HUNK: variants seen among roughly 807,000 people sequenced by gnomAD.
HUNK encodes hormonally up-regulated neu tumor-associated kinase.
In HUNK, 21 loss-of-function variants were observed where a neutral mutation model predicts 61.0. The observed-to-expected ratio is 0.34, with a 90% CI of 0.24 to 0.50. The LOEUF is 0.50. Among genes scored for constraint, HUNK ranks in the 20% least tolerant of loss-of-function variants. HUNK has a pLI of 0.98. For missense variants in HUNK, 772 were observed against 945.7 expected (o/e 0.82, Z 2.41); for synonymous variants, 371 against 386.1 (o/e 0.96, Z 0.46).
chr21:31,883,440 A>T (rs1164538037), intron 1 of HUNK, among the ~76,000 whole-genome samples: 1 of 152,060 alleles, frequency 6.6e-6, no homozygotes, highest in Non-Finnish European at 1.5e-5. Context: ...TTCATTGTTC[A>T]TGTCCATTCG....
At chr21:31,918,631 T>C (rs2052601405) in intron 1 of HUNK, among the ~76,000 whole-genome samples, 1 of 152,216 alleles carries the variant, frequency 6.6e-6, no homozygotes, top group East Asian at 1.9e-4. Flanking sequence ...TCTCCTGGGC[T>C]TGTGGCCATG....
At chr21:31,906,240 G>A (rs549497670) in intron 1 of HUNK, among the ~76,000 whole-genome samples, 1 of 151,798 alleles carries the variant, frequency 6.6e-6, no homozygotes, top group South Asian at 2.1e-4. Flanking sequence ...ATGAATAGTC[G>A]GAGGCATACC....
intron 9 of HUNK, among the ~76,000 whole-genome samples, chr21:31,994,264 G>T (rs1344270664): frequency 6.6e-6 from 1 of 152,174 alleles, no homozygotes; most frequent in South Asian, 2.1e-4. Flanking sequence ...ACAGGCCAGG[G>T]CCCTAGAGAG....
intron 8 of HUNK, among the ~76,000 whole-genome samples, chr21:31,989,669 G>A (rs1296937746): frequency 1.4e-5 from 2 of 147,542 alleles, no homozygotes; most frequent in East Asian, 2.0e-4. Flanking sequence ...AGCCAAGGTC[G>A]TGCTACTGCA....
intron 1 of HUNK, among the ~76,000 whole-genome samples, chr21:31,922,370 A>G (rs1020758855): frequency 6.9e-6 from 1 of 145,274 alleles, no homozygotes; most frequent in African/African-American, 2.6e-5. Flanking sequence ...CTTGTTGCCC[A>G]GTCTGGAGTG....
chr21:31,882,896 C>T (rs185155982), intron 1 of HUNK, among the ~76,000 whole-genome samples: 37 of 152,246 alleles, frequency 2.4e-4, no homozygotes, highest in African/African-American at 8.9e-4. Flanking sequence ...GAGCATTCTT[C>T]CCCATGACTA....
chr21:31,882,569 T>C (rs1489258503), intron 1 of HUNK, among the ~76,000 whole-genome samples: 1 of 152,192 alleles, frequency 6.6e-6, no homozygotes, highest in Admixed American at 6.5e-5. Flanking sequence ...TACATATTTA[T>C]GGGGTACATG....
At chr21:31,976,268 A>G (rs539639909) in intron 7 of HUNK, among the ~76,000 whole-genome samples, 2 of 152,114 alleles carry the variant, frequency 1.3e-5, no homozygotes, top group Non-Finnish European at 2.9e-5. Context: ...AGAGATGTCA[A>G]ATCCAGAAAG....
chr21:31,988,359 A>G (rs2053148062), intron 8 of HUNK, among the ~76,000 whole-genome samples: 1 of 152,212 alleles, frequency 6.6e-6, no homozygotes, highest in Admixed American at 6.5e-5. Context: ...ATTTATAGGA[A>G]AATGTCAAAT....
chr21:31,910,703 G>T (rs200142125), intron 1 of HUNK, among the ~76,000 whole-genome samples: 4 of 152,024 alleles, frequency 2.6e-5, no homozygotes, highest in African/African-American at 9.7e-5. Flanking sequence ...TAGCCAGGCT[G>T]GTCTCGAACT....
At chr21:31,967,416 A>G (rs2052974979) in intron 5 of HUNK, among the ~76,000 whole-genome samples, 1 of 152,160 alleles carries the variant, frequency 6.6e-6, no homozygotes, top group Non-Finnish European at 1.5e-5. Flanking sequence ...TTATAAACGC[A>G]TTTTTACCTC....
intron 7 of HUNK, among the ~76,000 whole-genome samples, chr21:31,975,559 G>A (rs2053042841): frequency 6.6e-6 from 1 of 152,190 alleles, no homozygotes; most frequent in Non-Finnish European, 1.5e-5. Context: ...ATTTGACTGA[G>A]TGTTCACTTT....
At chr21:31,933,219 C>A (rs1442344028) in intron 2 of HUNK, among the ~76,000 whole-genome samples, 2 of 152,032 alleles carry the variant, frequency 1.3e-5, no homozygotes, top group Non-Finnish European at 1.5e-5. Flanking sequence ...CCTGGCCCTG[C>A]ACTACCTTCT....
intron 7 of HUNK, among the ~76,000 whole-genome samples, chr21:31,983,147 A>G (rs1305201843): frequency 6.6e-6 from 1 of 152,206 alleles, no homozygotes; most frequent in African/African-American, 2.4e-5. Context: ...TCTATGTTCT[A>G]TGCAGTGGTT....
In HUNK at chr21:31,924,987, T is replaced by C. The variant is rs2052650277; in HGVS notation, c.554+227T>C. Among the ~76,000 whole-genome samples, 1 of 152,084 alleles carries C rather than the reference T, an allele frequency of 6.6e-6. No homozygotes were observed. The highest frequency in any genetic ancestry group is 2.4e-5 in the African/African-American group (1 of 41,428). On this transcript the variant is annotated intron_variant, in intron 2 of 10. Coordinates refer to ENST00000270112, the MANE Select transcript of HUNK (RefSeq NM_014586.2). The surrounding 1 kb of genome is among the most constrained non-coding windows in gnomAD (Gnocchi z 5.1). ...TCATGGCTCACTGCAACCTCCGCCT[T>C]GTGGGTTCAAGCGATTTTCCTGCCT...
intron 1 of HUNK, among the ~76,000 whole-genome samples, chr21:31,888,607 G>A (rs114974571): frequency 0.058 from 8,769 of 152,210 alleles, 310 homozygotes; most frequent in Middle Eastern, 0.16. Context: ...GTGCATGGTG[G>A]CGCATGCCTG....
intron 1 of HUNK, among the ~76,000 whole-genome samples, chr21:31,910,490 CT>C (rs34782673): frequency 0.31 from 42,396 of 136,338 alleles, 5,583 homozygotes; most frequent in South Asian, 0.42. Context: ...TCAGGATATC[CT>C]TTTTTTTTTT....
At chr21:31,929,269 G>A (rs540757431) in intron 2 of HUNK, among the ~76,000 whole-genome samples, 1 of 150,924 alleles carries the variant, frequency 6.6e-6, no homozygotes, top group African/African-American at 2.4e-5. Context: ...TAATACAAAG[G>A]AAACTTAGCA....
chr21:31,962,146 TG>T (rs2052933415), intron 5 of HUNK, among the ~76,000 whole-genome samples: 2 of 152,192 alleles, frequency 1.3e-5, no homozygotes, highest in Non-Finnish European at 2.9e-5. Flanking sequence ...ATCTTCCAGT[TG>T]TAAGTGGAAG....
Sources: allele counts gnomAD v4.1 joint callset (sites outside exome capture counted in the v4.1 genomes callset), GRCh38; gene constraint gnomAD v4.1.1; non-coding constraint Gnocchi (gnomAD v3.1); transcripts MANE v1.5; gene names NCBI Gene and HGNC (gene_info 2026-07-23, HGNC 2026-07-21).